Variants in SNAP91 observed in about 807,000 individuals in gnomAD.
SNAP91 encodes the protein synaptosome associated protein 91.
A neutral mutation model predicts 100.3 loss-of-function variants in SNAP91; 27 were observed. That is an observed-to-expected ratio of 0.27 (90% CI 0.20 to 0.37). The LOEUF (loss-of-function observed/expected upper bound fraction) is 0.37, where lower values mean the gene tolerates loss of function less well. SNAP91 is among the 10% of genes least tolerant of loss of function. The probability of loss-of-function intolerance (pLI) is 1.00; values close to 1 mark genes in which losing one functional copy is unlikely to be tolerated. For missense variants in SNAP91, 986 were observed against 1,123.7 expected (o/e 0.88, Z 1.75); for synonymous variants, 404 against 398.6 (o/e 1.01, Z -0.16).
At chr6:83,639,634 T>A (rs2097595633) in intron 8 of SNAP91, among the ~76,000 whole-genome samples, 1 of 152,142 alleles carries the variant, frequency 6.6e-6, no homozygotes, top group Admixed American at 6.5e-5. Flanking sequence ...AAATTTTACA[T>A]GTTAAAACAG....
chr6:83,605,343 A>G (rs2095543653), intron 14 of SNAP91, among the ~76,000 whole-genome samples: 1 of 152,196 alleles, frequency 6.6e-6, no homozygotes, highest in African/African-American at 2.4e-5. Flanking sequence ...GGAATACTCA[A>G]TCCTCAAGGC....
At position 83,593,697 on chromosome 6, in the gene SNAP91, G is replaced by C. The variant is rs552812220; in HGVS notation, c.1477C>G (p.Leu493Val). The C allele has an allele frequency of 1.2e-6, 2 of 1,607,628 alleles. No homozygotes were observed. Among genetic ancestry groups the C allele is most frequent in the Non-Finnish European group, 1.7e-6 (2 of 1,175,064 alleles). Reference sequence around the variant, plus strand: ...GGTGGCTTCATTGCAAAGAGGTCCAGCTCAGGTGCAGCCTCTGCACTACCT... The same window carrying C: ...GGTGGCTTCATTGCAAAGAGGTCCACCTCAGGTGCAGCCTCTGCACTACCT... ...SEGSAEAAPELDLFAMKPPET... is the reference protein window; with the variant it reads ...SEGSAEAAPEVDLFAMKPPET... The change falls in exon 18 of 30, where the codon CTG (leucine) becomes GTG (valine). Residue 493 changes from leucine (L) to valine (V), a missense_variant. By Grantham distance (32) the Leu-to-Val change is conservative. This residue lies in a region of SNAP91 where 575 missense variants were observed against 579.9 expected (regional missense o/e 0.99). Transcript: ENST00000369694.
At chr6:83,620,367 G>A (rs1477882246) in intron 9 of SNAP91, among the ~76,000 whole-genome samples, 1 of 152,196 alleles carries the variant, frequency 6.6e-6, no homozygotes, top group Non-Finnish European at 1.5e-5. Context: ...CTGGTAGAAA[G>A]CAGAATCTAA....
rs2098830422 is a variant in SNAP91 at position 83,674,337 on chromosome 6, G to A, written c.131-8756C>T. On this transcript the variant is annotated intron_variant, in intron 2 of 29. Transcript: ENST00000369694. ...TAATCCCAGCTACTTGGGAGGCTGA[G>A]GCAGGAGAATTGCTTGAACCAGGGA... is the stretch of plus-strand genomic sequence containing the variant. Among the ~76,000 whole-genome samples, 3 of 152,254 alleles carry A rather than the reference G, an allele frequency of 2.0e-5. No individual in the cohort carries two copies. In the South Asian group the frequency reaches 6.2e-4, roughly 32 times the overall value.
chr6:83,555,953 A>C (rs1469770797), intron 29 of SNAP91, among the ~76,000 whole-genome samples, 190 bp downstream of exon 29: 1 of 152,138 alleles, frequency 6.6e-6, no homozygotes, highest in Non-Finnish European at 1.5e-5. Flanking sequence ...TTTCCCTCCT[A>C]GTTACATAAA....
intron 10 of SNAP91, among the ~76,000 whole-genome samples, chr6:83,615,414 A>G (rs1282496634): frequency 6.6e-6 from 1 of 152,334 alleles, no homozygotes; most frequent in African/African-American, 2.4e-5. Context: ...TGTCACAGGA[A>G]CAGAAACATT....
At position 83,674,291 on chromosome 6, in the gene SNAP91, A is replaced by G. The variant is rs545162304; in HGVS notation, c.131-8710T>C. Among the ~76,000 whole-genome samples, 5 of 152,156 alleles carry G rather than the reference A, an allele frequency of 3.3e-5. No individual in the cohort carries two copies. In the East Asian group the frequency reaches 9.7e-4, roughly 30 times the overall value. On this transcript the variant is annotated intron_variant, in intron 2 of 29. Coordinates refer to ENST00000369694, the MANE Select transcript of SNAP91 (RefSeq NM_001242792.2). ...TACTAAAAATACAAAAAAGTTAGCC[A>G]GGCACAGTGGTGGGCACCTGTAATC...
At chr6:83,629,339 A>G (rs1175898568) in intron 8 of SNAP91, among the ~76,000 whole-genome samples, 1 of 152,092 alleles carries the variant, frequency 6.6e-6, no homozygotes, top group Non-Finnish European at 1.5e-5. Flanking sequence ...TGCTTTGGCT[A>G]TGTGGGCTCT....
At chr6:83,628,330 CAT>C (rs757334696) in intron 8 of SNAP91, among the ~76,000 whole-genome samples, 5 of 149,940 alleles carry the variant, frequency 3.3e-5, no homozygotes, top group African/African-American at 1.2e-4. Context: ...CTGCTATAAA[CAT>C]GTGTGTGCAA....
chr6:83,578,082 AT>A (rs1417289130), intron 24 of SNAP91, among the ~76,000 whole-genome samples: 1 of 152,132 alleles, frequency 6.6e-6, no homozygotes, highest in African/African-American at 2.4e-5. Context: ...AGAATATTTC[AT>A]TATGTAGATA....
chr6:83,608,390 A>G (rs1448692275), intron 12 of SNAP91, among the ~76,000 whole-genome samples: 1 of 152,172 alleles, frequency 6.6e-6, no homozygotes, highest in Non-Finnish European at 1.5e-5. Flanking sequence ...AGGTAAAAAT[A>G]AAATCTAGTA....
chr6:83,592,298 G>A (rs1385451864), intron 21 of SNAP91, among the ~76,000 whole-genome samples, 157 bp downstream of exon 21: 1 of 151,932 alleles, frequency 6.6e-6, no homozygotes, highest in Non-Finnish European at 1.5e-5. Flanking sequence ...TGATGATGAC[G>A]AAGAAATGAA....
At chr6:83,680,168 G>C (rs1236573951) in intron 2 of SNAP91, among the ~76,000 whole-genome samples, 1 of 152,056 alleles carries the variant, frequency 6.6e-6, no homozygotes, top group Non-Finnish European at 1.5e-5. Flanking sequence ...GGATTAAAGA[G>C]TTTATCATAT....
intron 2 of SNAP91, among the ~76,000 whole-genome samples, chr6:83,696,868 T>C (rs1460438969): frequency 1.3e-5 from 2 of 152,178 alleles, no homozygotes; most frequent in Non-Finnish European, 2.9e-5. Flanking sequence ...CCCTGTTTCC[T>C]GGAACAATTC....
At chr6:83,601,639 G>A (rs758385892) in intron 14 of SNAP91, 40 bp from the exon 15 acceptor site, 39 of 1,605,044 alleles carry the variant, frequency 2.4e-5, no homozygotes, top group Non-Finnish European at 3.1e-5. Context: ...GAATAAATAA[G>A]AGCTAAAGTT....
At chr6:83,590,862 G>T (rs1357340165) in intron 22 of SNAP91, among the ~76,000 whole-genome samples, 5 of 152,180 alleles carry the variant, frequency 3.3e-5, no homozygotes, top group African/African-American at 4.8e-5. Context: ...AAGACCCTGA[G>T]AAATAATCAA....
chr6:83,637,086 T>C (rs528947701), intron 8 of SNAP91, among the ~76,000 whole-genome samples: 2 of 152,282 alleles, frequency 1.3e-5, no homozygotes, highest in East Asian at 1.9e-4. Context: ...AGATATACTC[T>C]TACTCAGCCA....
chr6:83,558,832 T>G (rs978808377), intron 28 of SNAP91, among the ~76,000 whole-genome samples: 3 of 152,192 alleles, frequency 2.0e-5, no homozygotes, highest in Admixed American at 2.0e-4. Flanking sequence ...CAAGTCAATT[T>G]CTCATGATGA....
At chr6:83,615,278 G>A (rs1442457326) in intron 10 of SNAP91, among the ~76,000 whole-genome samples, 2 of 152,144 alleles carry the variant, frequency 1.3e-5, no homozygotes, top group Non-Finnish European at 1.5e-5. Flanking sequence ...GGCCCTATAT[G>A]GGGTTTGGGG....
Sources: allele counts gnomAD v4.1 joint callset (sites outside exome capture counted in the v4.1 genomes callset), GRCh38; gene constraint gnomAD v4.1.1; regional missense constraint gnomAD v4.1.1; transcripts MANE v1.5; gene names NCBI Gene and HGNC (gene_info 2026-07-23, HGNC 2026-07-21).